The following CHST8 variants were observed in gnomAD, a reference collection of about 807,000 sequenced individuals.
CHST8 encodes the protein carbohydrate sulfotransferase 8, also known as GALNAC-4-ST1.
A neutral mutation model predicts 15.0 loss-of-function variants in CHST8; 10 were observed. The ratio of observed to expected loss-of-function variants is 0.67; its 90% CI spans 0.41 to 1.13. CHST8 has a LOEUF of 1.13. Ranked by LOEUF, CHST8 falls within the 50% of genes most tolerant of loss-of-function variation. The probability of loss-of-function intolerance (pLI) is 0.00; values close to 1 mark genes in which losing one functional copy is unlikely to be tolerated. For synonymous variants in CHST8, 259 were observed against 256.6 expected (o/e 1.01, Z -0.09); for missense variants, 634 against 608.2 (o/e 1.04, Z -0.45).
chr19:33,772,098 C>A lies in CHST8; in HGVS notation c.310C>A (p.Arg104Ser). 3 of 1,611,900 alleles carry A rather than the reference C, an allele frequency of 1.9e-6. No homozygotes were observed. The highest frequency in any genetic ancestry group is 2.2e-5 in the South Asian group (2 of 91,034). The change falls in exon 5 of 5, where the codon CGT becomes AGT. Residue 104 changes from arginine to serine, a missense_variant. Physicochemically the swap from Arg to Ser is moderately radical, Grantham distance 110 (BLOSUM62 -1). Transcript: ENST00000650847. ...TCAACCCCCGCTGCAGAGGGGAACC[C>A]GTCTGCGGCTCCGCCAGCGCCGTCG... ...QPQPPLQRGT[R>S]LRLRQRRRRL...
intron 1 of CHST8, among the ~76,000 whole-genome samples, chr19:33,658,267 G>T (rs140717125): frequency 6.6e-6 from 1 of 152,174 alleles, no homozygotes; most frequent in Non-Finnish European, 1.5e-5. Context: ...TTGAACTCGG[G>T]AGGCGGAGAT....
chr19:33,686,745 C>T (rs1409813779), intron 2 of CHST8, among the ~76,000 whole-genome samples: 2 of 152,238 alleles, frequency 1.3e-5, no homozygotes, highest in Non-Finnish European at 2.9e-5. Context: ...CGCACCCACA[C>T]CGTGGCCAGC....
intron 1 of CHST8, among the ~76,000 whole-genome samples, chr19:33,660,450 G>A (rs370743492): frequency 9.3e-4 from 142 of 152,242 alleles, no homozygotes; most frequent in African/African-American, 3.3e-3. Flanking sequence ...GGCAGGACTC[G>A]TTTCTGGTCA....
chr19:33,735,090 G>A (rs1974058546), intron 3 of CHST8, among the ~76,000 whole-genome samples: 1 of 152,214 alleles, frequency 6.6e-6, no homozygotes, highest in Non-Finnish European at 1.5e-5. Flanking sequence ...CCTGGCTTTT[G>A]ATCAAAACAT....
chr19:33,760,884 G>C (rs1316661715), intron 3 of CHST8, among the ~76,000 whole-genome samples: 2 of 152,158 alleles, frequency 1.3e-5, no homozygotes, highest in Non-Finnish European at 2.9e-5. Flanking sequence ...TAGACTGGAA[G>C]CTTCATGAGG....
chr19:33,701,356 T>C (rs1973333052), intron 3 of CHST8, among the ~76,000 whole-genome samples: 1 of 152,114 alleles, frequency 6.6e-6, no homozygotes, highest in African/African-American at 2.4e-5. Flanking sequence ...CTTTGGTACA[T>C]TAAAATATGC....
chr19:33,770,704 C>T (rs940387627), intron 3 of CHST8, among the ~76,000 whole-genome samples: 7 of 152,196 alleles, frequency 4.6e-5, no homozygotes, highest in African/African-American at 1.7e-4. Context: ...CTGTGTCTTC[C>T]TGAGGTCATC....
At chr19:33,723,394 G>A (rs552153368) in intron 3 of CHST8, among the ~76,000 whole-genome samples, 1 of 152,256 alleles carries the variant, frequency 6.6e-6, no homozygotes, top group South Asian at 2.1e-4. Flanking sequence ...GTGTGTGAGG[G>A]GCCTGTGTTC....
chr19:33,646,638 G>GCA (rs1329365422), intron 1 of CHST8, among the ~76,000 whole-genome samples: 1 of 152,210 alleles, frequency 6.6e-6, no homozygotes, highest in East Asian at 1.9e-4. Flanking sequence ...TATGGGCCAG[G>GCA]CACAGTGGCT....
At chr19:33,739,293 A>G (rs979835305) in intron 3 of CHST8, among the ~76,000 whole-genome samples, 3 of 152,116 alleles carry the variant, frequency 2.0e-5, no homozygotes, top group African/African-American at 7.2e-5. Context: ...AGTGTTAACA[A>G]GCAGAGGAAA....
At chr19:33,650,432 A>T (rs1395079792) in intron 1 of CHST8, among the ~76,000 whole-genome samples, 34 of 151,342 alleles carry the variant, frequency 2.2e-4, no homozygotes. Context: ...TAAATTTTTT[A>T]AATTATCAAG....
chr19:33,632,164 G>C (rs1169204764), intron 1 of CHST8, among the ~76,000 whole-genome samples: 1 of 148,666 alleles, frequency 6.7e-6, no homozygotes, highest in Non-Finnish European at 1.5e-5. Context: ...TTTCCAGACA[G>C]GGTCTCCCTC....
At chr19:33,664,912 C>T (rs1972636088) in intron 1 of CHST8, among the ~76,000 whole-genome samples, 1 of 152,148 alleles carries the variant, frequency 6.6e-6, no homozygotes, top group African/African-American at 2.4e-5. Flanking sequence ...ATCCATGTTG[C>T]TGCAAATAAC....
At position 33,715,667 on chromosome 19, in the gene CHST8, A is replaced by C. The variant is rs374969054; in HGVS notation, c.130+26276A>C. 3.0e-4 allele frequency among the ~76,000 whole-genome samples: 46 copies of C among 152,268 alleles called. No homozygotes were observed. The Middle Eastern group carries it at 0.014, about 45-fold the overall frequency. ...TGACTCAGAGCTCAGGCTGACCTTC[A>C]CCTTGCTGGGCTAGCTGGCCTTGGG... On this transcript the variant is annotated intron_variant, in intron 3 of 4. Coordinates refer to ENST00000650847, the MANE Select transcript of CHST8 (RefSeq NM_001127895.2).
At chr19:33,655,674 T>A (rs1462960366) in intron 1 of CHST8, among the ~76,000 whole-genome samples, 1 of 152,236 alleles carries the variant, frequency 6.6e-6, no homozygotes, top group Non-Finnish European at 1.5e-5. Flanking sequence ...ATCAAGATTT[T>A]AAAATTTACT....
intron 2 of CHST8, among the ~76,000 whole-genome samples, chr19:33,683,413 G>A (rs980582258): frequency 3.3e-5 from 5 of 152,346 alleles, no homozygotes; most frequent in East Asian, 1.9e-4. Flanking sequence ...GGAGGCAAAA[G>A]TGAGGTCCTG....
chr19:33,689,970 CAGAG>C (rs1272424240), intron 3 of CHST8, among the ~76,000 whole-genome samples: 7 of 152,278 alleles, frequency 4.6e-5, no homozygotes, highest in African/African-American at 1.7e-4. Flanking sequence ...GCAGGGAGGC[CAGAG>C]CAGGAAGGGT....
intron 3 of CHST8, among the ~76,000 whole-genome samples, chr19:33,757,442 GAAAGAAAGAAAGAAAGAAAGAAAGAAA>G (rs1974582323): frequency 4.1e-5 from 1 of 24,340 alleles, no homozygotes; most frequent in South Asian, 1.5e-3. Context: ...AAGAAAGAAA[GAAAGAAAGAAAGAAAGAAAGAAAGAAA>G]GAAAGAAAGA....
chr19:33,624,432 C>T (rs1441412537), intron 1 of CHST8, among the ~76,000 whole-genome samples: 1 of 152,136 alleles, frequency 6.6e-6, no homozygotes, highest in Non-Finnish European at 1.5e-5. Context: ...AATCTTGTAG[C>T]CAGAATATCA....
Sources: gnomAD v4.1 joint callset for allele counts (sites outside exome capture counted in the v4.1 genomes callset) on GRCh38, gnomAD v4.1.1 for gene constraint, MANE v1.5 for transcripts, NCBI Gene and HGNC (gene_info 2026-07-23, HGNC 2026-07-21) for gene names.